KIRREL2: variants seen among roughly 807,000 people sequenced by gnomAD.
KIRREL2 encodes the protein kin of IRRE-like protein 2.
In KIRREL2, 56 loss-of-function variants were observed where a neutral mutation model predicts 73.4. That is an observed-to-expected ratio of 0.76 (90% CI 0.62 to 0.95). KIRREL2 has a LOEUF of 0.95. KIRREL2 is among the 40% of genes least tolerant of loss of function. The pLI is 0.00. For missense variants in KIRREL2, 896 were observed against 935.0 expected (o/e 0.96, Z 0.54); for synonymous variants, 407 against 404.0 (o/e 1.01, Z -0.09).
At position 35,861,879 on chromosome 19, in the gene KIRREL2, A is replaced by G. The variant is rs1973707241; in HGVS notation, c.1365A>G (p.Pro455=). 6.3e-7 allele frequency: 1 copy of G among 1,597,520 alleles called. No individual in the cohort carries two copies. Among genetic ancestry groups the G allele is most frequent in the Non-Finnish European group, 8.5e-7 (1 of 1,172,510 alleles). Residue 455 remains proline (P), a synonymous_variant, in exon 11 of 15, where the codon CCA becomes CCG. Coordinates refer to ENST00000360202, the MANE Select transcript of KIRREL2 (RefSeq NM_199180.4). ...GRFLVETFPA[P]ESRGGLGPGL... is the part of the protein sequence containing the mutation. ...TCCTGGTGGAGACATTCCCTGCCCC[A>G]GAGAGCCGCGGGGGACTGGGTCCGG... is the stretch of plus-strand genomic sequence containing the variant.
chr19:35,860,907 A>G lies in KIRREL2; in HGVS notation c.929-2A>G. On this transcript the variant is annotated splice_acceptor_variant, in intron 7 of 14. Transcript: ENST00000360202. LOFTEE classifies it high-confidence loss of function. ...ATGTGACCCCTAGTCTCTTTCGTCC[A>G]GTTGGGCCGATTCTGCAGGCAAAGC... 1 of 1,613,702 alleles carries G rather than the reference A, an allele frequency of 6.2e-7. No homozygotes were observed.
intron 13 of KIRREL2, among the ~76,000 whole-genome samples, chr19:35,864,404 G>A (rs1973862434): frequency 1.3e-5 from 2 of 151,568 alleles, no homozygotes; most frequent in South Asian, 2.1e-4. Context: ...TAGCCAGGCT[G>A]GTCTCAAACT....
At chr19:35,865,583 G>C (rs555707596) in intron 14 of KIRREL2, among the ~76,000 whole-genome samples, 1 of 152,122 alleles carries the variant, frequency 6.6e-6, no homozygotes. Context: ...ATGACAGCTC[G>C]ATCATTTTGC....
At chr19:35,866,051 T>G in intron 14 of KIRREL2, 106 bp from the exon 15 acceptor site, 1 of 1,090,450 alleles carries the variant, frequency 9.2e-7, no homozygotes. Flanking sequence ...TCCTGTCTCT[T>G]TTTGTCTCTC....
At position 35,859,522 on chromosome 19, in the gene KIRREL2, C is replaced by A. The variant is rs1157212915; in HGVS notation, c.564C>A (p.Thr188=). The A allele has an allele frequency of 6.2e-7, 1 of 1,614,146 alleles. No homozygotes were observed. Among genetic ancestry groups the A allele is most frequent in the Admixed American group, 1.7e-5 (1 of 60,024 alleles). Residue 188 remains threonine, a synonymous_variant, in exon 5 of 15, where the codon ACC becomes ACA. Coordinates refer to ENST00000360202, the MANE Select transcript of KIRREL2 (RefSeq NM_199180.4). The part of the protein sequence containing the change: ...KEGTPGSVES[T]LTLTPFSHDD... The stretch of plus-strand genomic sequence containing the variant: ...GGACCCCTGGGTCAGTGGAGAGCAC[C>A]TTAACCCTGACCCCTTTCAGCCATG...
In KIRREL2 at chr19:35,866,534, T is replaced by C; in HGVS notation, c.*42T>C. Reference sequence around the variant, plus strand: ...GAGTCCTGGGATCTCCAACTTGCCATAATGGATTGTTCTGATTTCTGAGGA... The same window carrying C: ...GAGTCCTGGGATCTCCAACTTGCCACAATGGATTGTTCTGATTTCTGAGGA... On this transcript the variant is annotated 3_prime_UTR_variant, in exon 15 of 15. Transcript: ENST00000360202. The C allele has an allele frequency of 1.2e-6, 2 of 1,613,084 alleles. No individual in the cohort carries two copies. Among genetic ancestry groups the C allele is most frequent in the Non-Finnish European group, 1.7e-6 (2 of 1,179,692 alleles).
chr19:35,862,456 C>T, intron 11 of KIRREL2, 37 bp from the exon 12 acceptor site: 1 of 1,498,632 alleles, frequency 6.7e-7, no homozygotes, highest in Non-Finnish European at 9.2e-7. Context: ...CTGGTTCCCC[C>T]TCAGCCTTCT....
In KIRREL2 at chr19:35,862,977, A is replaced by G; in HGVS notation, c.1666A>G (p.Ser556Gly). 1 of 1,593,676 alleles carries G rather than the reference A, an allele frequency of 6.3e-7. No homozygotes were observed. Among genetic ancestry groups the G allele is most frequent in the South Asian group, 1.1e-5 (1 of 87,362 alleles). The change falls in exon 13 of 15, where the codon AGC becomes GGC. Residue 556 changes from serine to glycine, a missense_variant. By Grantham distance (56) the Ser-to-Gly change is moderately conservative. Transcript: ENST00000360202. ...GAACCTGATGCGAATCCCTGGCAGCAGCGACGGCTCCAGTTCACGAGGTCC... is the reference window on the plus strand; with the variant it reads ...GAACCTGATGCGAATCCCTGGCAGCGGCGACGGCTCCAGTTCACGAGGTCC... Reference protein sequence around the residue: ...QKNLMRIPGSSDGSSSRGPEE... With the variant: ...QKNLMRIPGSGDGSSSRGPEE...
At chr19:35,861,416 G>A (rs1301550516) in intron 9 of KIRREL2, 125 bp from the exon 10 acceptor site, 5 of 1,455,660 alleles carry the variant, frequency 3.4e-6, no homozygotes, top group Non-Finnish European at 2.8e-6. Context: ...GAGAATCGGA[G>A]TTTGGAGGCG....
In KIRREL2 at chr19:35,860,388, T is replaced by C. The variant is rs1458090698; in HGVS notation, c.765T>C (p.Pro255=). 6.2e-7 allele frequency: 1 copy of C among 1,613,362 alleles called. No homozygotes were observed. Among genetic ancestry groups the C allele is most frequent in the Non-Finnish European group, 8.5e-7 (1 of 1,179,978 alleles). Residue 255 remains proline, a synonymous_variant, in exon 6 of 15, where the codon CCT becomes CCC. Transcript: ENST00000360202. ...IFLCQATAQP[P]VTGYRWAKGG... is the part of the protein sequence containing the mutation. ...TGTGCCAGGCCACAGCCCAGCCTCC[T>C]GTCACAGGCTACAGGTGAGGACGAA...
chr19:35,851,414 A>C (rs1362077624), upstream of KIRREL2: 1 of 1,612,686 alleles, frequency 6.2e-7, no homozygotes, highest in Non-Finnish European at 8.5e-7. Context: ...TCAGGGCCGC[A>C]GCTTCCGCTG....
intron 10 of KIRREL2, 39 bp from the exon 11 acceptor site, chr19:35,861,766 C>T (rs1193122274): frequency 6.3e-7 from 1 of 1,588,334 alleles, no homozygotes; most frequent in Non-Finnish European, 8.6e-7. Flanking sequence ...TCCTCCCCTC[C>T]TCAGTCTCCT....
At chr19:35,856,715 C>A (rs760344416), upstream of KIRREL2, 42 of 358,576 alleles carry the variant, frequency 1.2e-4, no homozygotes, top group Non-Finnish European at 1.9e-4. The surrounding 1 kb of genome is among the most constrained non-coding windows in gnomAD (Gnocchi z 5.9). Context: ...CCGGGACCCC[C>A]TCCCTCCTCG....
intron 4 of KIRREL2, 151 bp from the exon 5 acceptor site, chr19:35,859,330 G>T (rs571484745): frequency 3.8e-5 from 26 of 688,736 alleles, no homozygotes; most frequent in African/African-American, 1.1e-4. Flanking sequence ...AACATTATGA[G>T]ACTTTTTTGT....
In KIRREL2 at chr19:35,859,594, C is replaced by T. The variant is rs1473031859; in HGVS notation, c.636C>T (p.Pro212=). The change falls in exon 5 of 15, where the codon CCC becomes CCT. Residue 212 remains proline, a synonymous_variant. Transcript: ENST00000360202. ...FVCRARSQAL[P]TGRDTAITLS... The stretch of plus-strand genomic sequence containing the variant: ...GCCGGGCCCGGAGCCAGGCCCTGCC[C>T]ACAGGAAGAGACACAGCTATCACAC... 1 of 1,614,090 alleles carries T rather than the reference C, an allele frequency of 6.2e-7. No individual in the cohort carries two copies. Among genetic ancestry groups the T allele is most frequent in the South Asian group, 1.1e-5 (1 of 91,084 alleles).
Position 35,866,753 on chromosome 19 carries a change from T to G in KIRREL2, c.*261T>G. ...GATTCAAGATGGCAGGTAGGCCCTT[T>G]GAGGAGAGATGGGGACAGGGCAGTG... On this transcript the variant is annotated 3_prime_UTR_variant, in exon 15 of 15. Coordinates refer to ENST00000360202, the MANE Select transcript of KIRREL2 (RefSeq NM_199180.4). 1.7e-6 allele frequency: 1 copy of G among 576,562 alleles called. No individual in the cohort carries two copies. Among genetic ancestry groups the G allele is most frequent in the South Asian group, 2.3e-5 (1 of 43,696 alleles). 35.7% of individuals were successfully genotyped at this position (576,562 alleles called of 1,614,324 possible). A position where few individuals can be genotyped will look rare whatever the true frequency, so the allele number is the denominator to read the frequency against.
At chr19:35,860,051 G>A (rs1439133533) in intron 5 of KIRREL2, among the ~76,000 whole-genome samples, 1 of 152,112 alleles carries the variant, frequency 6.6e-6, no homozygotes, top group South Asian at 2.1e-4. Flanking sequence ...CAGACAGCTG[G>A]GGTCCCTGGG....
In KIRREL2 at chr19:35,858,494, T is replaced by A; in HGVS notation, c.298T>A (p.Ser100Thr). The A allele has an allele frequency of 6.2e-7, 1 of 1,614,072 alleles. No homozygotes were observed. The highest frequency in any genetic ancestry group is 8.5e-7 in the Non-Finnish European group (1 of 1,180,022). The part of the protein sequence containing the change: ...IRPVELEDEA[S>T]YECQATQAGL... ...GCCCGTGGAGCTAGAGGATGAAGCATCATATGAATGTCAGGCTACACAAGC... is the reference window on the plus strand; with the variant it reads ...GCCCGTGGAGCTAGAGGATGAAGCAACATATGAATGTCAGGCTACACAAGC... Residue 100 changes from serine to threonine, a missense_variant, in exon 3 of 15, where the codon TCA becomes ACA. Transcript: ENST00000360202.
upstream of KIRREL2, chr19:35,856,750 C>T (rs1447633961): frequency 5.1e-6 from 2 of 394,562 alleles, no homozygotes; most frequent in Admixed American, 4.1e-5. The surrounding 1 kb of genome is among the most constrained non-coding windows in gnomAD (Gnocchi z 5.9). Flanking sequence ...GGCTCCCAGA[C>T]CCCAATTGAG....
Sources: gnomAD v4.1 joint callset for allele counts (sites outside exome capture counted in the v4.1 genomes callset) on GRCh38, gnomAD v4.1.1 for gene constraint, Gnocchi (gnomAD v3.1) non-coding constraint, MANE v1.5 for transcripts, NCBI Gene and HGNC (gene_info 2026-07-23, HGNC 2026-07-21) for gene names.